TMTC2: variants seen among roughly 807,000 people sequenced by gnomAD.
The protein encoded by TMTC2 is transmembrane O-mannosyltransferase targeting cadherins 2.
TMTC2 carries 43 observed loss-of-function variants against 82.4 expected under a neutral mutation model. The ratio of observed to expected loss-of-function variants is 0.52; its 90% confidence interval spans 0.41 to 0.67. TMTC2 has a LOEUF of 0.67. Ranked by LOEUF, TMTC2 falls within the 30% of genes least tolerant of loss-of-function variation. TMTC2 has a pLI of 0.00. For synonymous variants in TMTC2, 408 were observed against 381.9 expected (o/e 1.07, Z -0.80); for missense variants, 919 against 1,012.4 (o/e 0.91, Z 1.25).
intron 9 of TMTC2, among the ~76,000 whole-genome samples, chr12:83,031,608 ATG>A (rs113770944): frequency 6.6e-6 from 1 of 152,300 alleles, no homozygotes; most frequent in African/African-American, 2.4e-5. Context: ...TGGGGGGAAA[ATG>A]TGGTTTTTTG....
intron 1 of TMTC2, among the ~76,000 whole-genome samples, chr12:82,845,946 T>G (rs1870640129): frequency 9.2e-6 from 1 of 109,200 alleles, no homozygotes; most frequent in African/African-American, 8.2e-5. Flanking sequence ...TGTGTTTGTT[T>G]TTTTTTTTTT....
intron 11 of TMTC2, among the ~76,000 whole-genome samples, chr12:83,122,808 C>A (rs1219663889): frequency 1.3e-5 from 2 of 152,270 alleles, no homozygotes; most frequent in East Asian, 3.9e-4. Context: ...CTCTGTCTGT[C>A]CAATCAGAGC....
intron 1 of TMTC2, among the ~76,000 whole-genome samples, chr12:82,753,185 G>GC (rs1295127962): frequency 2.6e-5 from 4 of 151,782 alleles, no homozygotes; most frequent in Non-Finnish European, 4.4e-5. Context: ...CATCACTTTT[G>GC]CCCTCCTACC....
At position 82,889,672 on chromosome 12, in the gene TMTC2, G is replaced by C. The variant is rs74451353; in HGVS notation, c.655-6146G>C. 0.01 allele frequency among the ~76,000 whole-genome samples: 1,568 copies of C among 152,222 alleles called. 39 individuals carry two copies. In the East Asian group the frequency reaches 0.11, roughly 10 times the overall value. On this transcript the variant is annotated intron_variant, in intron 2 of 11. Transcript: ENST00000321196. ...TAGTATTTTTCTGAATGAACTTTAT[G>C]ATTCTGTAGCATGCATATTTTGCAA...
intron 11 of TMTC2, among the ~76,000 whole-genome samples, chr12:83,077,110 G>A (rs112897739): frequency 4.6e-5 from 7 of 152,246 alleles, no homozygotes; most frequent in Admixed American, 2.6e-4. Flanking sequence ...AAGACAGCTG[G>A]GAATTTATAG....
At chr12:83,029,890 C>T (rs994978080) in intron 8 of TMTC2, among the ~76,000 whole-genome samples, 4 of 152,032 alleles carry the variant, frequency 2.6e-5, no homozygotes, top group African/African-American at 9.7e-5. Context: ...GCTTATTTTC[C>T]TTGTGCGTAT....
chr12:82,780,443 T>A (rs994934532), intron 1 of TMTC2, among the ~76,000 whole-genome samples: 3 of 152,134 alleles, frequency 2.0e-5, no homozygotes, highest in Non-Finnish European at 2.9e-5. Flanking sequence ...CAGTTTTTTT[T>A]TTTGTTGAGT....
At chr12:83,096,398 A>T (rs918514018) in intron 11 of TMTC2, among the ~76,000 whole-genome samples, 1 of 152,154 alleles carries the variant, frequency 6.6e-6, no homozygotes, top group Admixed American at 6.5e-5. Flanking sequence ...GTGGTTTTCT[A>T]TCCATCTTGG....
intron 1 of TMTC2, among the ~76,000 whole-genome samples, chr12:82,801,339 C>T (rs921714926): frequency 2.0e-5 from 3 of 152,108 alleles, no homozygotes; most frequent in Admixed American, 2.0e-4. Flanking sequence ...TGTTACAGTT[C>T]ATAAAGACAG....
chr12:82,845,779 A>G (rs982171693), intron 1 of TMTC2, among the ~76,000 whole-genome samples: 1 of 152,034 alleles, frequency 6.6e-6, no homozygotes, highest in African/African-American at 2.4e-5. Flanking sequence ...AGAGTGTGGT[A>G]TTTCTCATAT....
rs984197856 is a variant in TMTC2 at position 82,728,957 on chromosome 12, C to T, written c.83+41288C>T. On this transcript the variant is annotated intron_variant, in intron 1 of 11. Transcript: ENST00000321196. ...TCTCGTCGGGCCTTAGCTGCCTCCC[C>T]GCCAGGCAGGGCTCGGGACCTGCAG... Among the ~76,000 whole-genome samples, 9 of 152,194 alleles carry T rather than the reference C, an allele frequency of 5.9e-5. No individual in the cohort carries two copies. The South Asian group carries it at 8.3e-4, about 14-fold the overall frequency.
intron 1 of TMTC2, among the ~76,000 whole-genome samples, chr12:82,697,361 A>C (rs1287948818): frequency 1.3e-5 from 2 of 151,884 alleles, no homozygotes; most frequent in African/African-American, 4.8e-5. Flanking sequence ...AAAAGGAAAA[A>C]AAAACAATGC....
chr12:82,908,941 T>C (rs1043082234), intron 3 of TMTC2, among the ~76,000 whole-genome samples: 1 of 152,226 alleles, frequency 6.6e-6, no homozygotes, highest in African/African-American at 2.4e-5. Context: ...GTAATATCTT[T>C]CTAAAAATCT....
At chr12:82,907,472 T>G (rs1039458479) in intron 3 of TMTC2, among the ~76,000 whole-genome samples, 2 of 143,546 alleles carry the variant, frequency 1.4e-5, no homozygotes, top group African/African-American at 5.1e-5. Flanking sequence ...CAACTCCATC[T>G]CAAAAAAAAA....
chr12:82,946,791 A>G (rs1682609), intron 4 of TMTC2, among the ~76,000 whole-genome samples: 141,679 of 149,084 alleles, frequency 0.95, 67,361 homozygotes, highest in East Asian at 1. Context: ...GCCCAGGGTG[A>G]AGTGCAGTGG....
chr12:82,876,970 T>C (rs1872613346), intron 2 of TMTC2, among the ~76,000 whole-genome samples: 1 of 152,186 alleles, frequency 6.6e-6, no homozygotes, highest in South Asian at 2.1e-4. Flanking sequence ...TTTTTATCTA[T>C]TTTAAGAATG....
At chr12:83,077,723 C>T (rs987863047) in intron 11 of TMTC2, among the ~76,000 whole-genome samples, 2 of 151,498 alleles carry the variant, frequency 1.3e-5, no homozygotes, top group African/African-American at 4.8e-5. Flanking sequence ...TACCGGCACA[C>T]GCCACCACGC....
intron 1 of TMTC2, among the ~76,000 whole-genome samples, chr12:82,813,276 A>G (rs994160730): frequency 1.3e-5 from 2 of 152,122 alleles, no homozygotes; most frequent in Non-Finnish European, 2.9e-5. Context: ...CAGGTTTAAT[A>G]GTCATTTTGT....
At chr12:83,027,111 C>A (rs1309606212) in intron 8 of TMTC2, among the ~76,000 whole-genome samples, 2 of 151,848 alleles carry the variant, frequency 1.3e-5, no homozygotes, top group African/African-American at 4.8e-5. Context: ...GTTTCTGAAC[C>A]AGTACATGTG....
Sources: gnomAD v4.1 joint callset for allele counts (sites outside exome capture counted in the v4.1 genomes callset) on GRCh38, gnomAD v4.1.1 for gene constraint, MANE v1.5 for transcripts, NCBI Gene and HGNC (gene_info 2026-07-23, HGNC 2026-07-21) for gene names.